The following SEPTIN11 variants were observed in gnomAD, a reference collection of about 807,000 sequenced individuals.
SEPTIN11 encodes septin-11.
A neutral mutation model predicts 51.4 loss-of-function variants in SEPTIN11; 25 were observed. The ratio of observed to expected loss-of-function variants is 0.49; its 90% CI spans 0.35 to 0.68. The LOEUF is 0.68. Ranked by LOEUF, SEPTIN11 falls within the 30% of genes least tolerant of loss-of-function variation. The pLI, the probability that SEPTIN11 is intolerant of heterozygous loss-of-function variation, is 0.00. For synonymous variants in SEPTIN11, 174 were observed against 184.1 expected (o/e 0.95, Z 0.44); for missense variants, 381 against 520.8 (o/e 0.73, Z 2.61).
intron 2 of SEPTIN11, 38 bp from the exon 3 acceptor site, chr4:77,005,563 T>G (rs776982585): frequency 3.2e-6 from 5 of 1,561,984 alleles, no homozygotes; most frequent in Non-Finnish European, 4.4e-6. Context: ...CTGAGAGACA[T>G]TGACACATTC....
At chr4:77,007,203 T>A (rs1724542320) in intron 3 of SEPTIN11, among the ~76,000 whole-genome samples, 1 of 152,170 alleles carries the variant, frequency 6.6e-6, no homozygotes, top group Non-Finnish European at 1.5e-5. Flanking sequence ...GGGGCACAAG[T>A]GCATTGTGGG....
chr4:77,005,429 A>G (rs1199950020), intron 2 of SEPTIN11, among the ~76,000 whole-genome samples, 172 bp from the exon 3 acceptor site: 1 of 152,220 alleles, frequency 6.6e-6, no homozygotes, highest in Admixed American at 6.5e-5. Flanking sequence ...ATTTTTAGGA[A>G]GGTATTCCAT....
Position 77,038,393 on chromosome 4 carries a change from G to T in SEPTIN11, c.*3881G>T. 13 of 985,736 alleles carry T rather than the reference G, an allele frequency of 1.3e-5. No individual in the cohort carries two copies. The highest frequency in any genetic ancestry group is 1.6e-5 in the Non-Finnish European group (13 of 829,866). 61.1% of individuals were successfully genotyped at this position (985,736 alleles called of 1,614,324 possible). A position where few individuals can be genotyped will look rare whatever the true frequency, so the allele number is the denominator to read the frequency against. On this transcript the variant is annotated 3_prime_UTR_variant, in exon 10 of 10. Coordinates refer to ENST00000264893, the MANE Select transcript of SEPTIN11 (RefSeq NM_018243.4). The stretch of plus-strand genomic sequence containing the variant: ...CTACTTTCATTGTTAATGCAGAATT[G>T]TCATATATGTAAGCTGCATGTTAGA...
intron 1 of SEPTIN11, among the ~76,000 whole-genome samples, chr4:76,979,180 A>G (rs1167067666): frequency 2.0e-5 from 3 of 152,346 alleles, no homozygotes; most frequent in Non-Finnish European, 1.5e-5. Context: ...AAAAATGTAC[A>G]TTCTTTTGGG....
chr4:76,967,960 T>C (rs559471571), intron 1 of SEPTIN11, among the ~76,000 whole-genome samples: 2 of 152,250 alleles, frequency 1.3e-5, no homozygotes, highest in Non-Finnish European at 1.5e-5. Flanking sequence ...GAGAGCAAAT[T>C]TGGAGAACCA....
chr4:77,037,570 C>A lies in SEPTIN11; in HGVS notation c.*3058C>A, dbSNP rs1437182657. The stretch of plus-strand genomic sequence containing the variant: ...TTTTAATCTTAGTTTAATGGTCTCT[C>A]CCTGGTGCTAACTGCTGACAGTGGC... On this transcript the variant is annotated 3_prime_UTR_variant, in exon 10 of 10. Coordinates refer to ENST00000264893, the MANE Select transcript of SEPTIN11 (RefSeq NM_018243.4). 4 of 985,318 alleles carry A rather than the reference C, an allele frequency of 4.1e-6. No homozygotes were observed. The South Asian group carries it at 1.9e-4, about 46-fold the overall frequency. 61.0% of individuals were successfully genotyped at this position (985,318 alleles called of 1,614,324 possible).
chr4:77,024,420 A>G lies in SEPTIN11; in HGVS notation c.953+3750A>G, dbSNP rs1725957555. ...AGAGCACCCATGCTTCCCTGGACCC[A>G]GGCGTCTCCTTCCTCCAGACCCCAG... On this transcript the variant is annotated intron_variant, in intron 7 of 9. Transcript: ENST00000264893. This position sits in a 1 kb window ranked among gnomAD's most constrained non-coding sequence, Gnocchi z 4.2. 6.6e-6 allele frequency among the ~76,000 whole-genome samples: 1 copy of G among 150,520 alleles called. No homozygotes were observed. The highest frequency in any genetic ancestry group is 2.5e-5 in the African/African-American group (1 of 40,330).
intron 1 of SEPTIN11, among the ~76,000 whole-genome samples, chr4:76,968,907 C>A (rs1722134211): frequency 6.6e-6 from 1 of 152,192 alleles, no homozygotes; most frequent in Admixed American, 6.5e-5. Flanking sequence ...TGGCATTTTA[C>A]ATGGTCATTG....
Position 76,994,900 on chromosome 4 carries a change from C to CTTTT in SEPTIN11, c.28-1500_28-1497dup, listed in dbSNP as rs55728971. ...ATTGACTAAGTGATCCTGTACAAAGCTTTTTTTTTTTTTTTTTTTTTTTTT... is the reference window on the plus strand; with the variant it reads ...ATTGACTAAGTGATCCTGTACAAAGCTTTTTTTTTTTTTTTTTTTTTTTTTTTTT... On this transcript the variant is annotated intron_variant, in intron 1 of 9. Transcript: ENST00000264893. Among the ~76,000 whole-genome samples, 264 of 54,878 alleles carry CTTTT rather than the reference C, an allele frequency of 4.8e-3. 8 individuals are homozygous for CTTTT. The highest frequency in any genetic ancestry group is 0.019 in the East Asian group (32 of 1,726). 36.0% of individuals were successfully genotyped at this position (54,878 alleles called of 152,430 possible).
downstream of SEPTIN11, chr4:77,038,655 T>G: frequency 1.0e-5 from 10 of 997,600 alleles, no homozygotes; most frequent in Non-Finnish European, 1.2e-5. Flanking sequence ...TAGTCACTGC[T>G]TGGTTTGCAT....
In SEPTIN11 at chr4:77,025,709, A is replaced by G. The variant is rs139535388; in HGVS notation, c.954-2920A>G. 3.2e-4 allele frequency among the ~76,000 whole-genome samples: 49 copies of G among 152,254 alleles called. No individual in the cohort carries two copies. The East Asian group carries it at 8.9e-3, about 28-fold the overall frequency. On this transcript the variant is annotated intron_variant, in intron 7 of 9. Coordinates refer to ENST00000264893, the MANE Select transcript of SEPTIN11 (RefSeq NM_018243.4). ...CTGGGAATCTGATTCTGTGGATGCT[A>G]TGGTTCTAAGTTATTTGTAAGTAAC...
At chr4:76,997,711 C>T (rs2109937014) in intron 2 of SEPTIN11, among the ~76,000 whole-genome samples, 1 of 152,314 alleles carries the variant, frequency 6.6e-6, no homozygotes, top group Middle Eastern at 3.4e-3. Flanking sequence ...TCCCGAATGG[C>T]AGCTAGTTCT....
chr4:77,023,645 T>C (rs926343129), intron 7 of SEPTIN11, among the ~76,000 whole-genome samples: 5 of 152,148 alleles, frequency 3.3e-5, no homozygotes, highest in African/African-American at 1.2e-4. Context: ...TAAATAGTGA[T>C]AAGAAATGAA....
At position 77,011,933 on chromosome 4, in the gene SEPTIN11, C is replaced by T; in HGVS notation, c.525+12C>T. ...AGCTGGACAGTAAGGTACTTGCTGC[C>T]ATTCTGATTATCATCCACTCTCCTT... On this transcript the variant is annotated intron_variant, in intron 4 of 9. Transcript: ENST00000264893. 1 of 1,610,508 alleles carries T rather than the reference C, an allele frequency of 6.2e-7. No homozygotes were observed.
chr4:77,022,437 T>TAG (rs1560742478), intron 7 of SEPTIN11, among the ~76,000 whole-genome samples: 1 of 152,172 alleles, frequency 6.6e-6, no homozygotes, highest in Non-Finnish European at 1.5e-5. Context: ...AAAAAATTTT[T>TAG]TTCCATACTG....
At chr4:76,965,320 G>A (rs1208822023) in intron 1 of SEPTIN11, among the ~76,000 whole-genome samples, 5 of 151,700 alleles carry the variant, frequency 3.3e-5, no homozygotes, top group East Asian at 1.9e-4. Flanking sequence ...GCGTGGTGGC[G>A]TGCACCTGTA....
intron 1 of SEPTIN11, among the ~76,000 whole-genome samples, chr4:76,975,897 G>C (rs1483803632): frequency 6.6e-6 from 1 of 152,178 alleles, no homozygotes; most frequent in Non-Finnish European, 1.5e-5. Context: ...TGAAGTTAGT[G>C]ACTGTGTCCT....
intron 2 of SEPTIN11, among the ~76,000 whole-genome samples, chr4:77,000,347 T>C (rs1724030245): frequency 6.6e-6 from 1 of 152,358 alleles, no homozygotes; most frequent in South Asian, 2.1e-4. Flanking sequence ...CGTCTTGTTT[T>C]TCCAGGAAAG....
intron 1 of SEPTIN11, among the ~76,000 whole-genome samples, chr4:76,980,858 T>C (rs1045757928): frequency 2.6e-5 from 4 of 152,214 alleles, no homozygotes; most frequent in Admixed American, 1.3e-4. Flanking sequence ...TTAACTTCAG[T>C]TTTTCCTTCC....
Sources: allele counts gnomAD v4.1 joint callset (sites outside exome capture counted in the v4.1 genomes callset), GRCh38; gene constraint gnomAD v4.1.1; non-coding constraint Gnocchi (gnomAD v3.1); transcripts MANE v1.5; gene names NCBI Gene and HGNC (gene_info 2026-07-23, HGNC 2026-07-21).